ZDHHC23: variants seen among roughly 807,000 people sequenced by gnomAD.
ZDHHC23 encodes palmitoyltransferase ZDHHC23.
In ZDHHC23, 41 loss-of-function variants were observed where a neutral mutation model predicts 40.2. That is an observed-to-expected ratio of 1.02 (90% CI 0.79 to 1.32). ZDHHC23 has a LOEUF of 1.32. ZDHHC23 is among the 40% of genes most tolerant of loss of function. The probability of loss-of-function intolerance (pLI) is 0.00; values close to 1 mark genes in which losing one functional copy is unlikely to be tolerated. For synonymous variants in ZDHHC23, 204 were observed against 210.2 expected, an observed-to-expected ratio of 0.97 and a Z score of 0.26; for missense variants, 471 against 541.5, an observed-to-expected ratio of 0.87 and a Z score of 1.29.
rs145830397 is a variant in ZDHHC23, at chr3:113,958,616, G to A, written c.1294G>A (p.Glu432Lys). 1.0e-5 allele frequency: 16 copies of A among 1,598,828 alleles called. No homozygotes were observed. Among genetic ancestry groups the A allele is most frequent in the South Asian group, 7.8e-5 (7 of 90,228 alleles). The change falls in exon 5 of 5, where the codon GAG becomes AAG. Residue 432 changes from glutamate to lysine, a missense_variant. By Grantham distance (56) the Glu-to-Lys change is moderately conservative. This residue lies in a region of ZDHHC23 where 346 missense variants were observed against 399.8 expected (regional missense o/e 0.87). Transcript: ENST00000638807. ...LGTRAFHHPA[E>K]DIV ...CACACGTGCATTCCACCACCCTGCC[G>A]AGGACATTGTCTGAAGTGCCTTCTA...
chr3:113,972,735 C>T, the ZDHHC23 span, among the ~76,000 whole-genome samples: 3 of 152,058 alleles, frequency 2.0e-5, no homozygotes, highest in Non-Finnish European at 4.4e-5. Context: ...TACTTGGGTG[C>T]TTGATGTTGA....
intron 2 of ZDHHC23, among the ~76,000 whole-genome samples, chr3:113,951,828 G>T (rs748843834): frequency 6.6e-6 from 1 of 152,128 alleles, no homozygotes; most frequent in Non-Finnish European, 1.5e-5. Flanking sequence ...TTTTGATTAT[G>T]AGTTTTGTCT....
intron 2 of ZDHHC23, among the ~76,000 whole-genome samples, chr3:113,953,215 C>T (rs1433339019): frequency 6.6e-6 from 1 of 152,192 alleles, no homozygotes; most frequent in East Asian, 1.9e-4. Flanking sequence ...AGCTGGACAT[C>T]AAGGTTGAGC....
the ZDHHC23 span, chr3:113,978,745 T>C: frequency 3.5e-6 from 4 of 1,141,742 alleles, no homozygotes; most frequent in Non-Finnish European, 5.0e-6. Context: ...GATTGACTAC[T>C]CTTTTGTTCT....
chr3:113,968,113 T>C (rs1263587894), downstream of ZDHHC23, among the ~76,000 whole-genome samples: 2 of 152,218 alleles, frequency 1.3e-5, no homozygotes, highest in Admixed American at 1.3e-4. Flanking sequence ...AAATATCTCT[T>C]GGATGTATTG....
chr3:113,958,087 C>T (rs748723105), intron 4 of ZDHHC23, among the ~76,000 whole-genome samples: 6 of 152,154 alleles, frequency 3.9e-5, no homozygotes, highest in South Asian at 2.1e-4. Flanking sequence ...TGTCAGGCAG[C>T]GTGCTGGGTG....
chr3:113,970,970 T>A, the ZDHHC23 span, among the ~76,000 whole-genome samples: 1 of 152,202 alleles, frequency 6.6e-6, no homozygotes, highest in Non-Finnish European at 1.5e-5. Flanking sequence ...TCTATCATTG[T>A]TGGACATTTG....
Position 113,960,655 on chromosome 3 carries a change from A to G in ZDHHC23, c.*2025A>G. 2 of 1,607,206 alleles carry G rather than the reference A, an allele frequency of 1.2e-6. No homozygotes were observed. The highest frequency in any genetic ancestry group is 2.7e-5 in the African/African-American group (2 of 74,470). On this transcript the variant is annotated 3_prime_UTR_variant, in exon 5 of 5. Coordinates refer to ENST00000638807, the MANE Select transcript of ZDHHC23 (RefSeq NM_001320466.2). ...TGTGATGAAGATAAGTAGTACAAAG[A>G]GACCAAAATAATTTGGGAGAATTAG...
At chr3:113,965,279 C>T (rs144192553), downstream of ZDHHC23, 156 of 1,612,432 alleles carry the variant, frequency 9.7e-5, 1 homozygote, top group Non-Finnish European at 1.2e-4. Context: ...AAGTTGCTGT[C>T]GCCTTTCTTC....
chr3:113,968,623 TTTG>T (rs1940471656), downstream of ZDHHC23, among the ~76,000 whole-genome samples: 1 of 148,050 alleles, frequency 6.8e-6, no homozygotes, highest in African/African-American at 2.5e-5. Context: ...CTAATAGTTT[TTTG>T]TTTTTTTTTT....
downstream of ZDHHC23, chr3:113,964,830 G>A (rs1046434746): frequency 1.0e-4 from 17 of 168,504 alleles, no homozygotes; most frequent in African/African-American, 1.7e-4. Flanking sequence ...CGTGCTATAC[G>A]GACACATTTT....
At chr3:113,978,332 C>G in the ZDHHC23 span, 1 of 1,613,500 alleles carries the variant, frequency 6.2e-7, no homozygotes, top group Non-Finnish European at 8.5e-7. Context: ...CAATCACGTA[C>G]TGGGGATGAA....
chr3:113,950,539 G>A lies in ZDHHC23; in HGVS notation c.161+1576G>A, dbSNP rs541544666. Among the ~76,000 whole-genome samples, 2 of 152,028 alleles carry A rather than the reference G, an allele frequency of 1.3e-5. 1 individual carries two copies. Among genetic ancestry groups the A allele is most frequent in the East Asian group, 3.9e-4 (2 of 5,178 alleles). ...TTCATGACCTAATCACCTCCTTAAG[G>A]TCTCACCTCTGAATACTATTGCATT... On this transcript the variant is annotated intron_variant, in intron 2 of 4. Coordinates refer to ENST00000638807, the MANE Select transcript of ZDHHC23 (RefSeq NM_001320466.2).
Position 113,962,938 on chromosome 3 carries a change from ACCAAGTTGT to A in ZDHHC23, c.*4309_*4317del, listed in dbSNP as rs1939795951. 6.6e-6 allele frequency: 1 copy of A among 152,202 alleles called. No individual in the cohort carries two copies. The highest frequency in any genetic ancestry group is 2.4e-5 in the African/African-American group (1 of 41,436). 9.4% of individuals were successfully genotyped at this position (152,202 alleles called of 1,614,324 possible). On this transcript the variant is annotated 3_prime_UTR_variant, in exon 5 of 5. Transcript: ENST00000638807. ...CATTTATGTAAAATAACGTCCTGTG[ACCAAGTTGT>A]TTAAATGGAAAATAAAGTGCTTTCT...
chr3:113,976,480 A>G, the ZDHHC23 span, among the ~76,000 whole-genome samples: 1 of 152,076 alleles, frequency 6.6e-6, no homozygotes, highest in Non-Finnish European at 1.5e-5. Flanking sequence ...AAATAATGAC[A>G]TCTCCCCACA....
At chr3:113,966,661 CACA>C (rs1298982540), downstream of ZDHHC23, among the ~76,000 whole-genome samples, 1 of 152,158 alleles carries the variant, frequency 6.6e-6, no homozygotes, top group Non-Finnish European at 1.5e-5. Context: ...CTTATATTTT[CACA>C]ACTATAGGCA....
In ZDHHC23 at chr3:113,961,851, C is replaced by T. The variant is rs1463612985; in HGVS notation, c.*3221C>T. On this transcript the variant is annotated 3_prime_UTR_variant, in exon 5 of 5. Coordinates refer to ENST00000638807, the MANE Select transcript of ZDHHC23 (RefSeq NM_001320466.2). ...TACCACTGACCATCTGCTTAATAGA[C>T]ATGTATTTCCTTTGAGTAGGACATT... 1.3e-5 allele frequency: 2 copies of T among 152,654 alleles called. No homozygotes were observed. The highest frequency in any genetic ancestry group is 2.4e-5 in the African/African-American group (1 of 41,464). The allele number at this position is 152,654 out of a possible 1,614,324, so 9.5% of individuals were successfully genotyped here. A position where few individuals can be genotyped will look rare whatever the true frequency, so the allele number is the denominator to read the frequency against.
In ZDHHC23 at chr3:113,961,135, C is replaced by T. The variant is rs1021567491; in HGVS notation, c.*2505C>T. ...GTCCCAGGGAAGCATTTGGTGGTGG[C>T]GGCAGTGGAGGATTGCCCGGTGAAC... On this transcript the variant is annotated 3_prime_UTR_variant, in exon 5 of 5. Transcript: ENST00000638807. The T allele has an allele frequency of 1.7e-5, 3 of 176,636 alleles. No individual in the cohort carries two copies. The highest frequency in any genetic ancestry group is 1.9e-4 in the South Asian group (1 of 5,186). The allele number at this position is 176,636 out of a possible 1,614,324, so 10.9% of individuals were successfully genotyped here. A position where few individuals can be genotyped will look rare whatever the true frequency, so the allele number is the denominator to read the frequency against.
chr3:113,958,801 A>G lies in ZDHHC23; in HGVS notation c.*171A>G. The G allele has an allele frequency of 6.7e-7, 1 of 1,488,560 alleles. No individual in the cohort carries two copies. The highest frequency in any genetic ancestry group is 9.0e-7 in the Non-Finnish European group (1 of 1,112,758). 92.2% of individuals were successfully genotyped at this position (1,488,560 alleles called of 1,614,324 possible). A position where few individuals can be genotyped will look rare whatever the true frequency, so the allele number is the denominator to read the frequency against. ...TTAATTTTTCTGACGCCACAACTTAAGAGACTTTTATACTGAGGCAGTAAA... is the reference window on the plus strand; with the variant it reads ...TTAATTTTTCTGACGCCACAACTTAGGAGACTTTTATACTGAGGCAGTAAA... On this transcript the variant is annotated 3_prime_UTR_variant, in exon 5 of 5. Transcript: ENST00000638807.
Sources: allele counts gnomAD v4.1 joint callset (sites outside exome capture counted in the v4.1 genomes callset), GRCh38; gene constraint gnomAD v4.1.1; regional missense constraint gnomAD v4.1.1; transcripts MANE v1.5; gene names NCBI Gene and HGNC (gene_info 2026-07-23, HGNC 2026-07-21).